SOAT1: variants seen among roughly 807,000 people sequenced by gnomAD.
SOAT1 encodes sterol O-acyltransferase 1.
Under a neutral mutation model 69.5 loss-of-function variants are expected in SOAT1, and 55 were observed. The observed-to-expected ratio is 0.79, with a 90% CI of 0.64 to 0.99. The LOEUF (loss-of-function observed/expected upper bound fraction) is 0.99. SOAT1 is among the 50% of genes least tolerant of loss of function. The probability of loss-of-function intolerance (pLI) is 0.00; values close to 1 mark genes in which losing one functional copy is unlikely to be tolerated. For synonymous variants in SOAT1, 231 were observed against 224.7 expected, an observed-to-expected ratio of 1.03 and a Z score of -0.25; for missense variants, 580 against 669.3, an observed-to-expected ratio of 0.87 and a Z score of 1.47.
chr1:179,330,701 GT>G (rs1271031635), intron 3 of SOAT1, among the ~76,000 whole-genome samples: 1 of 152,202 alleles, frequency 6.6e-6, no homozygotes, highest in Non-Finnish European at 1.5e-5. Context: ...CATGGTAGAC[GT>G]TTCTCACTGT....
intron 1 of SOAT1, among the ~76,000 whole-genome samples, chr1:179,296,316 A>G (rs989503804): frequency 6.6e-6 from 1 of 152,130 alleles, no homozygotes; most frequent in African/African-American, 2.4e-5. Flanking sequence ...AACAACGTGT[A>G]TTGGGTTCAC....
intron 3 of SOAT1, among the ~76,000 whole-genome samples, chr1:179,326,710 A>G (rs546808863): frequency 6.6e-6 from 1 of 152,104 alleles, no homozygotes; most frequent in South Asian, 2.1e-4. Context: ...GGCATGTGCC[A>G]CCATGCCCGG....
intron 15 of SOAT1, among the ~76,000 whole-genome samples, chr1:179,351,758 C>T (rs528717412): frequency 1.2e-3 from 132 of 109,720 alleles, no homozygotes; most frequent in Middle Eastern, 9.6e-3. Context: ...CTCACTCTGT[C>T]GCCCAGGCTG....
intron 2 of SOAT1, among the ~76,000 whole-genome samples, chr1:179,313,371 G>A (rs544295335): frequency 3.4e-5 from 5 of 149,242 alleles, no homozygotes; most frequent in African/African-American, 1.2e-4. Flanking sequence ...AATGTGGCTA[G>A]TCTGGATTGA....
At chr1:179,332,135 C>A (rs933036460) in intron 3 of SOAT1, among the ~76,000 whole-genome samples, 2 of 152,108 alleles carry the variant, frequency 1.3e-5, no homozygotes, top group Non-Finnish European at 2.9e-5. Flanking sequence ...ATGACCCTGA[C>A]CTTTTTTCAT....
rs945073043 is a variant in SOAT1, at chr1:179,341,354, A to G, written c.780+44A>G. 16 of 1,537,686 alleles carry G rather than the reference A, an allele frequency of 1.0e-5. No individual in the cohort carries two copies. The South Asian group carries it at 1.7e-4, about 17-fold the overall frequency. On this transcript the variant is annotated intron_variant, in intron 7 of 15. Coordinates refer to ENST00000367619, the MANE Select transcript of SOAT1 (RefSeq NM_003101.6). ...CCCAAGGCGATGCTGTCCTCGGCTA[A>G]AATAATAATAATGATGATGACATAC... is the stretch of plus-strand genomic sequence containing the variant.
At chr1:179,304,084 A>C (rs1222929989) in intron 2 of SOAT1, among the ~76,000 whole-genome samples, 1 of 152,334 alleles carries the variant, frequency 6.6e-6, no homozygotes, top group Admixed American at 6.5e-5. Flanking sequence ...TAAAAATTGA[A>C]TTGGTTAGCT....
intron 2 of SOAT1, among the ~76,000 whole-genome samples, chr1:179,306,399 C>A (rs755726201): frequency 1.3e-5 from 2 of 152,044 alleles, no homozygotes; most frequent in Admixed American, 6.6e-5. Context: ...AAATAGCAAG[C>A]AGTAATTGGT....
chr1:179,351,021 CTTTTTTTTTTTTTTTTTTTTTTTTTT>C (rs201449849), intron 14 of SOAT1, among the ~76,000 whole-genome samples: 3 of 127,552 alleles, frequency 2.4e-5, no homozygotes, highest in Non-Finnish European at 5.0e-5. Flanking sequence ...ATATTTCTTT[CTTTTTTTTTTTTTTTTTTTTTTTTTT>C]TTTTTTTTTT....
chr1:179,344,774 G>A (rs1047669453), intron 10 of SOAT1, among the ~76,000 whole-genome samples, 173 bp from the exon 11 acceptor site: 1 of 152,130 alleles, frequency 6.6e-6, no homozygotes, highest in African/African-American at 2.4e-5. Flanking sequence ...TAGAAACTAG[G>A]CTTGAGTAAT....
At chr1:179,353,219 A>ATT (rs1666805121) in intron 15 of SOAT1, among the ~76,000 whole-genome samples, 1 of 121,314 alleles carries the variant, frequency 8.2e-6, no homozygotes, top group African/African-American at 3.1e-5. Context: ...ATATATATAT[A>ATT]TATATCTATT....
At chr1:179,301,593 A>C (rs933500743) in intron 1 of SOAT1, among the ~76,000 whole-genome samples, 3 of 152,206 alleles carry the variant, frequency 2.0e-5, no homozygotes, top group Admixed American at 6.5e-5. Flanking sequence ...GTTCAACTGC[A>C]GGTGTATTCC....
chr1:179,342,093 T>C (rs1292144636), intron 7 of SOAT1, 21 bp from the exon 8 acceptor site: 1 of 1,612,958 alleles, frequency 6.2e-7, no homozygotes, highest in Non-Finnish European at 8.5e-7. Flanking sequence ...AAGAGACATC[T>C]TTTTCCTCCT....
In SOAT1 at chr1:179,343,268, A is replaced by T. The variant is rs916676920; in HGVS notation, c.942-322A>T. Among the ~76,000 whole-genome samples the T allele has an allele frequency of 2.6e-5, 4 of 152,014 alleles. No individual in the cohort carries two copies. The East Asian group carries it at 7.7e-4, about 29-fold the overall frequency. On this transcript the variant is annotated intron_variant, in intron 9 of 15. Coordinates refer to ENST00000367619, the MANE Select transcript of SOAT1 (RefSeq NM_003101.6). ...TCTGAGATGGGAGTCTTGCTCTGTC[A>T]CCCAGGAGTGCAGTGGTGCTATGTC...
chr1:179,312,501 C>T (rs768746890), intron 2 of SOAT1, among the ~76,000 whole-genome samples: 1 of 152,206 alleles, frequency 6.6e-6, no homozygotes, highest in Non-Finnish European at 1.5e-5. Context: ...TCTCGTGTCT[C>T]ATTGGCCAGA....
intron 1 of SOAT1, among the ~76,000 whole-genome samples, chr1:179,296,883 G>A (rs1336370759): frequency 6.6e-6 from 1 of 152,040 alleles, no homozygotes; most frequent in Non-Finnish European, 1.5e-5. Flanking sequence ...TTTTTGTTTT[G>A]CTTTCTTAAG....
At position 179,348,759 on chromosome 1, in the gene SOAT1, GAT is replaced by G. The variant is rs1491208659; in HGVS notation, c.1216-84_1216-83del. 7 of 637,542 alleles carry G rather than the reference GAT, an allele frequency of 1.1e-5. No individual in the cohort carries two copies. The African/African-American group carries it at 1.1e-4, about 10-fold the overall frequency. The allele number at this position is 637,542 out of a possible 1,614,324, so 39.5% of individuals were successfully genotyped here. A position where few individuals can be genotyped will look rare whatever the true frequency, so the allele number is the denominator to read the frequency against. On this transcript the variant is annotated intron_variant, in intron 12 of 15. Coordinates refer to ENST00000367619, the MANE Select transcript of SOAT1 (RefSeq NM_003101.6). Reference sequence around the variant, plus strand: ...GTCAGGGGGGTTTGCTTTCGGGTGGGATGTGTGTGTGTGTGTGTGTGTGTGTG... The same window carrying G: ...GTCAGGGGGGTTTGCTTTCGGGTGGGGTGTGTGTGTGTGTGTGTGTGTGTG...
At chr1:179,330,837 G>A (rs1665945877) in intron 3 of SOAT1, among the ~76,000 whole-genome samples, 1 of 152,212 alleles carries the variant, frequency 6.6e-6, no homozygotes. Context: ...GTGGGGGTAA[G>A]GAACAGGTAT....
intron 3 of SOAT1, among the ~76,000 whole-genome samples, chr1:179,331,504 A>G (rs1665972774): frequency 6.6e-6 from 1 of 152,184 alleles, no homozygotes; most frequent in Non-Finnish European, 1.5e-5. Context: ...TTGGGAGGCC[A>G]AGGCAGGCAG....
Sources: allele counts gnomAD v4.1 joint callset (sites outside exome capture counted in the v4.1 genomes callset), GRCh38; gene constraint gnomAD v4.1.1; transcripts MANE v1.5; gene names NCBI Gene and HGNC (gene_info 2026-07-23, HGNC 2026-07-21).